Variants in CYSLTR2 observed in about 807,000 individuals in gnomAD.
The protein encoded by CYSLTR2 is cysteinyl leukotriene receptor 2.
For synonymous variants in CYSLTR2, 179 were observed against 160.8 expected, an observed-to-expected ratio of 1.11 and a Z score of -0.86; for missense variants, 398 against 411.9, an observed-to-expected ratio of 0.97 and a Z score of 0.29.
chr13:48,706,735 C>A, intron 4 of CYSLTR2, 82 bp from the exon 5 acceptor site: 1 of 1,128,246 alleles, frequency 8.9e-7, no homozygotes, highest in Non-Finnish European at 1.3e-6. Flanking sequence ...TCATTAAAAC[C>A]TAGAGAGATG....
intron 1 of CYSLTR2, among the ~76,000 whole-genome samples, chr13:48,654,251 T>TTGTGTGTGTG (rs372575519): frequency 2.3e-4 from 30 of 129,308 alleles, no homozygotes; most frequent in Admixed American, 1.9e-3. Flanking sequence ...GATCGTCCCT[T>TTGTGTGTGTG]TGTGTGTGTG....
At chr13:48,678,406 G>T (rs577008197) in intron 1 of CYSLTR2, among the ~76,000 whole-genome samples, 1 of 151,964 alleles carries the variant, frequency 6.6e-6, no homozygotes, top group African/African-American at 2.4e-5. Flanking sequence ...TACTCTCCTT[G>T]TATCATTTGG....
At chr13:48,702,540 T>TG (rs1459228061) in intron 4 of CYSLTR2, among the ~76,000 whole-genome samples, 2 of 152,250 alleles carry the variant, frequency 1.3e-5, no homozygotes, top group Non-Finnish European at 2.9e-5. Flanking sequence ...CCAGTGCCTC[T>TG]GAAAAGCCTA....
chr13:48,654,727 C>G (rs930787305), intron 1 of CYSLTR2, among the ~76,000 whole-genome samples: 4 of 152,150 alleles, frequency 2.6e-5, no homozygotes, highest in Non-Finnish European at 4.4e-5. Context: ...ACCCTGGCTG[C>G]ACATCTGGCC....
intron 1 of CYSLTR2, among the ~76,000 whole-genome samples, chr13:48,661,732 A>G (rs1953134598): frequency 6.6e-6 from 1 of 152,226 alleles, no homozygotes; most frequent in South Asian, 2.1e-4. Context: ...TGTCAAATTG[A>G]CAAATAATAA....
At chr13:48,655,743 G>A (rs1668068396) in intron 1 of CYSLTR2, among the ~76,000 whole-genome samples, 1 of 152,188 alleles carries the variant, frequency 6.6e-6, no homozygotes, top group Non-Finnish European at 1.5e-5. Flanking sequence ...AAGAACTGGA[G>A]GATGTAATTC....
At chr13:48,703,350 CT>C (rs1205688790) in intron 4 of CYSLTR2, among the ~76,000 whole-genome samples, 2 of 152,032 alleles carry the variant, frequency 1.3e-5, no homozygotes, top group Non-Finnish European at 2.9e-5. Flanking sequence ...ACTTATAGCA[CT>C]ATGTTGAATA....
At chr13:48,691,655 T>C (rs1256071517) in intron 2 of CYSLTR2, among the ~76,000 whole-genome samples, 1 of 152,028 alleles carries the variant, frequency 6.6e-6, no homozygotes, top group Non-Finnish European at 1.5e-5. Context: ...TCAAAGCCCC[T>C]AGTGTTTGTT....
At chr13:48,660,714 C>G (rs533345938) in intron 1 of CYSLTR2, among the ~76,000 whole-genome samples, 2 of 152,278 alleles carry the variant, frequency 1.3e-5, no homozygotes, top group African/African-American at 4.8e-5. Context: ...AGCACAAGAC[C>G]GTTCTTGGAA....
At chr13:48,668,682 T>G (rs1953333846) in intron 1 of CYSLTR2, among the ~76,000 whole-genome samples, 1 of 152,092 alleles carries the variant, frequency 6.6e-6, no homozygotes, top group South Asian at 2.1e-4. Flanking sequence ...TAGGTATATA[T>G]GTGCCATGGT....
intron 1 of CYSLTR2, among the ~76,000 whole-genome samples, chr13:48,681,280 T>C (rs963444723): frequency 6.6e-6 from 1 of 152,190 alleles, no homozygotes; most frequent in African/African-American, 2.4e-5. Flanking sequence ...AATTCTAACA[T>C]TAAACTTCTC....
chr13:48,687,075 G>A (rs9595965), intron 1 of CYSLTR2, among the ~76,000 whole-genome samples: 24,742 of 151,920 alleles, frequency 0.16, 2,152 homozygotes, highest in Middle Eastern at 0.29. Context: ...CCTGGAGCTG[G>A]GACATTCTTC....
At chr13:48,666,382 T>A (rs1052606773) in intron 1 of CYSLTR2, among the ~76,000 whole-genome samples, 1 of 152,144 alleles carries the variant, frequency 6.6e-6, no homozygotes, top group African/African-American at 2.4e-5. Context: ...TTGGGGAGGA[T>A]CTTTTTGCAT....
chr13:48,662,378 T>A (rs928982998), intron 1 of CYSLTR2, among the ~76,000 whole-genome samples: 2 of 152,202 alleles, frequency 1.3e-5, no homozygotes, highest in African/African-American at 4.8e-5. Context: ...TACCCACAAG[T>A]GAGACTGATG....
At position 48,707,213 on chromosome 13, in the gene CYSLTR2, GA is replaced by G; in HGVS notation, c.397del (p.Ser133ValfsTer39). The G allele has an allele frequency of 1.2e-6, 2 of 1,614,154 alleles. No homozygotes were observed. ...YSSIYFLTVL[S>X]VVRFLAMVHP... The stretch of plus-strand genomic sequence containing the variant: ...GCAGTATTTATTTCCTGACCGTGCT[GA>G]GTGTTGTGCGTTTCCTGGCAATGGT... On this transcript the variant is annotated frameshift_variant, in exon 5 of 5. Coordinates refer to ENST00000682523, the MANE Select transcript of CYSLTR2 (RefSeq NM_001308476.3). LOFTEE classifies it low-confidence loss of function (END_TRUNC).
At chr13:48,686,755 C>G (rs182783798) in intron 1 of CYSLTR2, among the ~76,000 whole-genome samples, 1 of 152,284 alleles carries the variant, frequency 6.6e-6, no homozygotes, top group East Asian at 1.9e-4. Flanking sequence ...AAGTGTAAAC[C>G]TAGGCTTCCA....
intron 1 of CYSLTR2, among the ~76,000 whole-genome samples, chr13:48,663,998 T>A (rs934019555): frequency 3.3e-5 from 5 of 152,020 alleles, no homozygotes; most frequent in African/African-American, 1.2e-4. Flanking sequence ...TGAAGTACTT[T>A]CCTTCTATAC....
intron 4 of CYSLTR2, among the ~76,000 whole-genome samples, chr13:48,701,386 G>T (rs1185192417): frequency 1.3e-5 from 2 of 152,168 alleles, no homozygotes; most frequent in Non-Finnish European, 2.9e-5. Context: ...ATGGGGAAAG[G>T]ATTCCCTATT....
intron 1 of CYSLTR2, among the ~76,000 whole-genome samples, chr13:48,669,563 A>T (rs1362829183): frequency 6.6e-6 from 1 of 152,112 alleles, no homozygotes; most frequent in Non-Finnish European, 1.5e-5. Context: ...TCTGCTGAGA[A>T]TGATGGTTTC....
Sources: gnomAD v4.1 joint callset for allele counts (sites outside exome capture counted in the v4.1 genomes callset) on GRCh38, gnomAD v4.1.1 for gene constraint, MANE v1.5 for transcripts, NCBI Gene and HGNC (gene_info 2026-07-23, HGNC 2026-07-21) for gene names.